MAGI2: variants seen among roughly 807,000 people sequenced by gnomAD.
MAGI2 encodes membrane-associated guanylate kinase, WW and PDZ domain-containing protein 2.
Under a neutral mutation model 133.3 loss-of-function variants are expected in MAGI2, and 35 were observed. The ratio of observed to expected loss-of-function variants is 0.26; its 90% CI spans 0.20 to 0.35. The LOEUF is 0.35. Among genes scored for constraint, MAGI2 ranks in the 10% least tolerant of loss-of-function variants. The pLI, the probability that MAGI2 is intolerant of heterozygous loss-of-function variation, is 1.00. For missense variants in MAGI2, 1,636 were observed against 1,863.4 expected, an observed-to-expected ratio of 0.88 and a Z score of 2.25; for synonymous variants, 729 against 710.6, an observed-to-expected ratio of 1.03 and a Z score of -0.41.
chr7:79,209,557 A>G (rs1328113307), intron 1 of MAGI2, among the ~76,000 whole-genome samples: 1 of 151,958 alleles, frequency 6.6e-6, no homozygotes, highest in Non-Finnish European at 1.5e-5. Context: ...ACCATATCCC[A>G]CAGAGTTCTA....
chr7:79,324,894 A>G (rs1362052519), intron 1 of MAGI2, among the ~76,000 whole-genome samples: 1 of 151,048 alleles, frequency 6.6e-6, no homozygotes, highest in African/African-American at 2.4e-5. Context: ...GAAACAAACA[A>G]AAGAAATTCC....
chr7:79,228,446 T>C (rs1831071050), intron 1 of MAGI2, among the ~76,000 whole-genome samples: 1 of 151,084 alleles, frequency 6.6e-6, no homozygotes, highest in Non-Finnish European at 1.5e-5. Flanking sequence ...GAGTACCCCT[T>C]TAAAAATACA....
intron 2 of MAGI2, among the ~76,000 whole-genome samples, chr7:78,693,935 G>C (rs1446694717): frequency 6.6e-6 from 1 of 152,050 alleles, no homozygotes; most frequent in African/African-American, 2.4e-5. Flanking sequence ...TGATTTTGCT[G>C]GTCAGGATCA....
At chr7:79,424,423 G>A (rs1043163300) in intron 1 of MAGI2, among the ~76,000 whole-genome samples, 2 of 152,030 alleles carry the variant, frequency 1.3e-5, no homozygotes, top group Non-Finnish European at 2.9e-5. Flanking sequence ...GTGGGAAGGG[G>A]AGGTTGGGAA....
chr7:79,140,539 C>G (rs1180546511), intron 1 of MAGI2, among the ~76,000 whole-genome samples: 1 of 151,946 alleles, frequency 6.6e-6, no homozygotes, highest in Non-Finnish European at 1.5e-5. Context: ...TCATTTGAAA[C>G]CTTGAAATAT....
At chr7:79,044,927 G>A (rs1812033079) in intron 1 of MAGI2, among the ~76,000 whole-genome samples, 1 of 152,148 alleles carries the variant, frequency 6.6e-6, no homozygotes, top group Non-Finnish European at 1.5e-5. Context: ...TCTAATCCTT[G>A]TTATTTACCT....
chr7:78,023,998 A>G (rs1584864766), intron 21 of MAGI2, among the ~76,000 whole-genome samples: 3 of 152,338 alleles, frequency 2.0e-5, no homozygotes, highest in Admixed American at 1.3e-4. Flanking sequence ...CAAATACTAT[A>G]CCAGTTCATA....
chr7:79,390,626 C>T (rs1844533234), intron 1 of MAGI2, among the ~76,000 whole-genome samples: 1 of 152,016 alleles, frequency 6.6e-6, no homozygotes, highest in Non-Finnish European at 1.5e-5. Context: ...TGTCTTTCTG[C>T]AATTAAAGTA....
At chr7:78,334,205 A>C (rs1789519664) in intron 9 of MAGI2, among the ~76,000 whole-genome samples, 1 of 152,198 alleles carries the variant, frequency 6.6e-6, no homozygotes, top group African/African-American at 2.4e-5. Context: ...GCTGGGGTAG[A>C]GTGGGAAATC....
intron 2 of MAGI2, among the ~76,000 whole-genome samples, chr7:78,951,976 T>C (rs115242030): frequency 3.0e-3 from 460 of 152,270 alleles, no homozygotes; most frequent in African/African-American, 7.3e-3. Flanking sequence ...CTTCTCAAAG[T>C]ATCTTTTGAA....
intron 1 of MAGI2, among the ~76,000 whole-genome samples, chr7:79,187,723 T>A (rs1364994404): frequency 6.6e-6 from 1 of 151,820 alleles, no homozygotes; most frequent in African/African-American, 2.4e-5. Context: ...TCACACCAAA[T>A]TTATAAAAAC....
In MAGI2 at chr7:78,044,138, A is replaced by T. The variant is rs146180428; in HGVS notation, c.3707-24162T>A. ...TTTATGAGAAATGTTCATTAAAATA[A>T]TGTGACTCCCCCAACTCCAAAATTT... is the stretch of plus-strand genomic sequence containing the variant. On this transcript the variant is annotated intron_variant, in intron 21 of 21. Transcript: ENST00000354212. Among the ~76,000 whole-genome samples, 1,289 of 152,332 alleles carry T rather than the reference A, an allele frequency of 8.5e-3. 6 individuals are homozygous for T. The highest frequency in any genetic ancestry group is 0.027 in the Middle Eastern group (8 of 294).
intron 2 of MAGI2, among the ~76,000 whole-genome samples, chr7:78,713,432 C>T (rs1343005688): frequency 6.6e-6 from 1 of 152,092 alleles, no homozygotes; most frequent in Non-Finnish European, 1.5e-5. Flanking sequence ...TAAGATGGCA[C>T]TTTGACTAAA....
intron 4 of MAGI2, chr7:78,518,531 G>A (rs1317160489): frequency 6.6e-6 from 1 of 152,154 alleles, no homozygotes; most frequent in East Asian, 1.9e-4. Flanking sequence ...TTCAAAAGAA[G>A]TGAATTATTT....
chr7:79,144,844 A>T (rs942721220), intron 1 of MAGI2, among the ~76,000 whole-genome samples: 1 of 152,188 alleles, frequency 6.6e-6, no homozygotes, highest in African/African-American at 2.4e-5. Context: ...TCCATTTTTA[A>T]CATGCCTTCC....
chr7:78,177,740 C>T (rs918612850), intron 14 of MAGI2, among the ~76,000 whole-genome samples: 6 of 151,910 alleles, frequency 3.9e-5, no homozygotes, highest in Middle Eastern at 3.2e-3. Flanking sequence ...AATTAGATAA[C>T]GAAAATACTC....
At chr7:78,867,870 T>C (rs1794710783) in intron 2 of MAGI2, among the ~76,000 whole-genome samples, 1 of 152,012 alleles carries the variant, frequency 6.6e-6, no homozygotes, top group Admixed American at 6.6e-5. Context: ...AGAAATAGAT[T>C]TTTGAAAGCA....
At chr7:78,637,830 G>A (rs1809842232) in intron 2 of MAGI2, among the ~76,000 whole-genome samples, 1 of 152,180 alleles carries the variant, frequency 6.6e-6, no homozygotes, top group Non-Finnish European at 1.5e-5. Flanking sequence ...GCCAGGTGTG[G>A]TGCCTCACAT....
intron 1 of MAGI2, among the ~76,000 whole-genome samples, chr7:79,332,245 T>G (rs969613288): frequency 3.9e-5 from 6 of 152,230 alleles, no homozygotes; most frequent in Non-Finnish European, 7.3e-5. Context: ...AAGTAAAGAT[T>G]CAATTCCTGT....
Sources: gnomAD v4.1 joint callset for allele counts (sites outside exome capture counted in the v4.1 genomes callset) on GRCh38, gnomAD v4.1.1 for gene constraint, MANE v1.5 for transcripts, NCBI Gene and HGNC (gene_info 2026-07-23, HGNC 2026-07-21) for gene names.